Variants in SDK1 observed in about 807,000 individuals in gnomAD.
The protein encoded by SDK1 is sidekick cell adhesion molecule 1, also known as protein sidekick-1.
A neutral mutation model predicts 245.5 loss-of-function variants in SDK1; 157 were observed. The ratio of observed to expected loss-of-function variants is 0.64; its 90% CI spans 0.56 to 0.73. The LOEUF is 0.73. Ranked by LOEUF, SDK1 falls within the 30% of genes least tolerant of loss-of-function variation. SDK1 has a pLI of 0.00. For missense variants in SDK1, 3,583 were observed against 3,002.3 expected (o/e 1.19, Z -4.52); for synonymous variants, 1,647 against 1,278.5 (o/e 1.29, Z -6.15).
chr7:3,927,055 G>C (rs1365076036), intron 5 of SDK1, among the ~76,000 whole-genome samples: 1 of 152,130 alleles, frequency 6.6e-6, no homozygotes, highest in Non-Finnish European at 1.5e-5. Flanking sequence ...GTCCACCAGT[G>C]GGGTTCCGTT....
At chr7:3,848,020 CAT>C (rs1326758083) in intron 5 of SDK1, among the ~76,000 whole-genome samples, 3 of 152,224 alleles carry the variant, frequency 2.0e-5, no homozygotes, top group African/African-American at 4.8e-5. Context: ...CCCATACACA[CAT>C]GTGCATATGT....
chr7:4,059,183 A>G (rs1280714107), intron 19 of SDK1, among the ~76,000 whole-genome samples: 1 of 152,224 alleles, frequency 6.6e-6, no homozygotes, highest in African/African-American at 2.4e-5. Flanking sequence ...ACCATGACCC[A>G]ACTATAGGCT....
chr7:3,327,411 TA>T (rs1779964305), intron 1 of SDK1, among the ~76,000 whole-genome samples: 1 of 152,152 alleles, frequency 6.6e-6, no homozygotes, highest in African/African-American at 2.4e-5. Flanking sequence ...ATTTTATTTA[TA>T]TACAGCTGCT....
rs1023126782 is a variant in SDK1, at chr7:3,969,176, T to A, written c.1547-81T>A. On this transcript the variant is annotated intron_variant, in intron 10 of 44. Transcript: ENST00000404826. ...GGGACACGGAGCCGAACCATATTAC[T>A]TGCTTATGGCTCTAACCACTATCTT... 3.1e-6 allele frequency: 4 copies of A among 1,288,244 alleles called. No individual in the cohort carries two copies. In the African/African-American group the frequency reaches 6.1e-5, roughly 20 times the overall value. The allele number at this position is 1,288,244 out of a possible 1,614,324, so 79.8% of individuals were successfully genotyped here. A position where few individuals can be genotyped will look rare whatever the true frequency, so the allele number is the denominator to read the frequency against.
chr7:3,972,339 A>C (rs750432322), intron 12 of SDK1, among the ~76,000 whole-genome samples: 5 of 152,112 alleles, frequency 3.3e-5, no homozygotes, highest in Admixed American at 6.5e-5. Context: ...TCGGCCTCCC[A>C]AAGTGCTGGG....
At chr7:4,035,125 C>T (rs556286377) in intron 17 of SDK1, among the ~76,000 whole-genome samples, 8 of 151,826 alleles carry the variant, frequency 5.3e-5, no homozygotes, top group Non-Finnish European at 1.2e-4. Context: ...ATTACAAGCA[C>T]GTACCACCAT....
Position 3,791,276 on chromosome 7 carries a change from C to G in SDK1, c.714-30174C>G, listed in dbSNP as rs192387205. Among the ~76,000 whole-genome samples the G allele has an allele frequency of 1.9e-3, 292 of 152,168 alleles. 3 individuals are homozygous for G. The highest frequency in any genetic ancestry group is 6.4e-3 in the African/African-American group (265 of 41,524). ...TGTGCTGGACTAGATGAATCCGCCTCGTGGAACTACAGCCAGTGAGTAGGA... is the reference window on the plus strand; with the variant it reads ...TGTGCTGGACTAGATGAATCCGCCTGGTGGAACTACAGCCAGTGAGTAGGA... On this transcript the variant is annotated intron_variant, in intron 4 of 44. Transcript: ENST00000404826.
chr7:3,496,046 C>G (rs1562522259), intron 1 of SDK1, among the ~76,000 whole-genome samples: 1 of 152,164 alleles, frequency 6.6e-6, no homozygotes, highest in African/African-American at 2.4e-5. Flanking sequence ...AAGTGATACA[C>G]TTTTTCCCAG....
chr7:3,475,517 C>T (rs1057278764), intron 1 of SDK1, among the ~76,000 whole-genome samples: 1 of 152,176 alleles, frequency 6.6e-6, no homozygotes, highest in South Asian at 2.1e-4. Context: ...GCTTCACATC[C>T]TAGTTTTCTT....
intron 38 of SDK1, among the ~76,000 whole-genome samples, chr7:4,218,561 G>T (rs891696296): frequency 6.6e-6 from 1 of 152,208 alleles, no homozygotes; most frequent in Non-Finnish European, 1.5e-5. Context: ...AGATGGACCC[G>T]TTTTGTAGTA....
intron 17 of SDK1, among the ~76,000 whole-genome samples, chr7:4,048,522 C>T (rs961995966): frequency 6.6e-6 from 1 of 151,938 alleles, no homozygotes; most frequent in Admixed American, 6.6e-5. Context: ...CACCCATCCT[C>T]GCCAGGCTCC....
intron 38 of SDK1, among the ~76,000 whole-genome samples, chr7:4,210,713 GGAAT>G (rs1419912593): frequency 6.6e-6 from 1 of 152,224 alleles, no homozygotes; most frequent in Non-Finnish European, 1.5e-5. Flanking sequence ...TCCAGATGCT[GGAAT>G]CGAGGACCTG....
chr7:3,504,588 G>A (rs765366475), intron 1 of SDK1, among the ~76,000 whole-genome samples: 9 of 152,098 alleles, frequency 5.9e-5, no homozygotes, highest in Non-Finnish European at 1.0e-4. Context: ...AGCAAATTGT[G>A]CTGGGACAAC....
chr7:3,487,609 G>A lies in SDK1; in HGVS notation c.299-131471G>A, dbSNP rs1781740149. On this transcript the variant is annotated intron_variant, in intron 1 of 44. Transcript: ENST00000404826. Reference sequence around the variant, plus strand: ...AAACAAACAAACACCCAAAAAATTAGCCAGGCATGGTAGCTTGCACCTGTA... The same window carrying A: ...AAACAAACAAACACCCAAAAAATTAACCAGGCATGGTAGCTTGCACCTGTA... 2.0e-5 allele frequency among the ~76,000 whole-genome samples: 3 copies of A among 152,072 alleles called. No homozygotes were observed. The South Asian group carries it at 6.3e-4, about 32-fold the overall frequency.
intron 4 of SDK1, among the ~76,000 whole-genome samples, chr7:3,817,565 G>A (rs937384375): frequency 6.6e-6 from 1 of 152,154 alleles, no homozygotes; most frequent in African/African-American, 2.4e-5. Flanking sequence ...GTGCTTCCAG[G>A]ATTCCGACGT....
At chr7:4,248,961 TAC>T (rs1236298647) in intron 44 of SDK1, among the ~76,000 whole-genome samples, 3 of 147,690 alleles carry the variant, frequency 2.0e-5, no homozygotes, top group African/African-American at 5.3e-5. Flanking sequence ...CATACCTAAA[TAC>T]ACACATACAC....
At position 4,136,147 on chromosome 7, in the gene SDK1, A is replaced by G. The variant is rs187357199; in HGVS notation, c.4228+3724A>G. ...GCTGAACGCTGCTGAATCACACAGC[A>G]CCGTGTCTACCTGCGAGGCAGACAA... is the stretch of plus-strand genomic sequence containing the variant. On this transcript the variant is annotated intron_variant, in intron 28 of 44. Coordinates refer to ENST00000404826, the MANE Select transcript of SDK1 (RefSeq NM_152744.4). Among the ~76,000 whole-genome samples, 24 of 152,286 alleles carry G rather than the reference A, an allele frequency of 1.6e-4. No homozygotes were observed. In the East Asian group the frequency reaches 4.1e-3, roughly 26 times the overall value.
chr7:3,994,153 C>A (rs577775894), intron 14 of SDK1, among the ~76,000 whole-genome samples: 16 of 152,268 alleles, frequency 1.1e-4, no homozygotes, highest in African/African-American at 3.9e-4. Context: ...TCATGTTAGT[C>A]CATGGTTCAC....
At chr7:3,715,579 G>A (rs1001928291) in intron 4 of SDK1, among the ~76,000 whole-genome samples, 2 of 152,138 alleles carry the variant, frequency 1.3e-5, no homozygotes, top group Non-Finnish European at 2.9e-5. Context: ...ACAGAACAAA[G>A]GAGACCAGGA....
Sources: gnomAD v4.1 joint callset for allele counts (sites outside exome capture counted in the v4.1 genomes callset) on GRCh38, gnomAD v4.1.1 for gene constraint, MANE v1.5 for transcripts, NCBI Gene and HGNC (gene_info 2026-07-23, HGNC 2026-07-21) for gene names.